The following ITPR3 variants were observed in gnomAD, a reference collection of about 807,000 sequenced individuals.
ITPR3 encodes inositol 1,4,5-trisphosphate receptor type 3, also known as inositol 1,4,5-trisphosphate-gated calcium channel ITPR3.
ITPR3 carries 173 observed loss-of-function variants against 293.2 expected under a neutral mutation model. That is an observed-to-expected ratio of 0.59 (90% CI 0.52 to 0.67). ITPR3 has a LOEUF of 0.67. ITPR3 is among the 30% of genes least tolerant of loss of function. The pLI is 0.00. For synonymous variants in ITPR3, 1,295 were observed against 1,444.4 expected, an observed-to-expected ratio of 0.90 and a Z score of 2.35; for missense variants, 2,796 against 3,592.1, an observed-to-expected ratio of 0.78 and a Z score of 5.66.
In ITPR3 at chr6:33,655,931, G is replaced by A. The variant is rs1018261239; in HGVS notation, c.282+44G>A. 1.2e-6 allele frequency: 2 copies of A among 1,610,966 alleles called. No individual in the cohort carries two copies. The highest frequency in any genetic ancestry group is 2.7e-5 in the African/African-American group (2 of 74,858). On this transcript the variant is annotated intron_variant, in intron 3 of 57. Coordinates refer to ENST00000605930, the MANE Select transcript of ITPR3 (RefSeq NM_002224.4). This position sits in a 1 kb window ranked among gnomAD's most constrained non-coding sequence, Gnocchi z 4.9. ...GCGTGCATCTGTGCACATGTACCAG[G>A]AACCTGGGTACACAAGCAGCGGTGC...
chr6:33,674,823 C>T (rs1358473889), intron 24 of ITPR3, among the ~76,000 whole-genome samples: 1 of 152,196 alleles, frequency 6.6e-6, no homozygotes, highest in Non-Finnish European at 1.5e-5. Context: ...TATGTATGTG[C>T]CTCTTTACTA....
rs1214016055 is a variant in ITPR3, at chr6:33,669,290, C to G, written c.2189+134C>G. The G allele has an allele frequency of 9.3e-6, 8 of 857,766 alleles. No homozygotes were observed. In the Admixed American group the frequency reaches 2.2e-4, roughly 24 times the overall value. The allele number at this position is 857,766 out of a possible 1,614,324, so 53.1% of individuals were successfully genotyped here. On this transcript the variant is annotated intron_variant, in intron 18 of 57. Transcript: ENST00000605930. ...TCCTGCCTCCTCAGAAGCGGAGTCC[C>G]TGCTGTCACTCCCCTGCCACGAAGC... is the stretch of plus-strand genomic sequence containing the variant.
chr6:33,636,419 T>C (rs1763825440), intron 1 of ITPR3, among the ~76,000 whole-genome samples: 1 of 151,938 alleles, frequency 6.6e-6, no homozygotes, highest in South Asian at 2.1e-4. Flanking sequence ...AGGTGAGAGC[T>C]GGTGGGAGCC....
intron 1 of ITPR3, among the ~76,000 whole-genome samples, chr6:33,629,984 G>A (rs1339758942): frequency 6.6e-6 from 1 of 151,996 alleles, no homozygotes; most frequent in Non-Finnish European, 1.5e-5. Flanking sequence ...CCAGCTACTC[G>A]GGAGGCTGAG....
rs765152177 is a variant in ITPR3, at chr6:33,676,883, G to C, written c.3398G>C (p.Ser1133Thr). The C allele has an allele frequency of 9.9e-6, 16 of 1,614,050 alleles. No individual in the cohort carries two copies. The highest frequency in any genetic ancestry group is 1.3e-5 in the African/African-American group (1 of 74,946). ...KSELWVDKKGSGKGEEVEAGA... is the reference protein window; with the variant it reads ...KSELWVDKKGTGKGEEVEAGA... ...GAGCTGTGGGTGGACAAGAAGGGCA[G>C]TGGCAAGGGTGAGGAGGTGGAGGCA... Residue 1133 changes from serine to threonine, a missense_variant, in exon 26 of 58, where the codon AGT becomes ACT. Transcript: ENST00000605930.
chr6:33,635,147 A>C (rs1161626585), intron 1 of ITPR3, among the ~76,000 whole-genome samples: 1 of 152,198 alleles, frequency 6.6e-6, no homozygotes, highest in Non-Finnish European at 1.5e-5. Flanking sequence ...AATATCTTAC[A>C]GGAAATTCTA....
chr6:33,671,197 C>G lies in ITPR3; in HGVS notation c.2619C>G (p.Phe873Leu). 6.2e-7 allele frequency: 1 copy of G among 1,613,780 alleles called. No individual in the cohort carries two copies. The highest frequency in any genetic ancestry group is 1.3e-5 in the African/African-American group (1 of 75,038). ...GCCTGGCGCACAATCTCATCTACTT[C>G]GGCTTCTACAGCTTCAGCGAGCTGC... ...VVSLAHNLIY[F>L]GFYSFSELLR... Residue 873 changes from phenylalanine (F) to leucine (L), a missense_variant, in exon 21 of 58, where the codon TTC becomes TTG. Around this residue, in one of 8 missense-constraint regions of ITPR3, gnomAD observed 955 missense variants for 1,180.8 expected, o/e 0.81. Transcript: ENST00000605930.
intron 51 of ITPR3, 89 bp from the exon 52 acceptor site, chr6:33,690,828 G>A: frequency 8.1e-7 from 1 of 1,228,978 alleles, no homozygotes; most frequent in Non-Finnish European, 1.2e-6. Flanking sequence ...TGGAGCCCAG[G>A]CAGCCCTCAG....
In ITPR3 at chr6:33,663,845, C is replaced by T. The variant is rs1764540436; in HGVS notation, c.1113C>T (p.Pro371=). ...NDIASLFELD[P]TTLQKTDSFV... ...TCGCCTCTCTCTTTGAGCTGGACCC[C>T]ACCACCTTGCAGAAAACCGACTCTT... Residue 371 remains proline, a synonymous_variant, in exon 11 of 58, where the codon CCC becomes CCT. Coordinates refer to ENST00000605930, the MANE Select transcript of ITPR3 (RefSeq NM_002224.4). The T allele has an allele frequency of 1.2e-6, 2 of 1,614,024 alleles. No homozygotes were observed. The highest frequency in any genetic ancestry group is 2.2e-5 in the East Asian group (1 of 44,888).
chr6:33,683,624 G>A lies in ITPR3; in HGVS notation c.4788+227G>A, dbSNP rs1385333553. Among the ~76,000 whole-genome samples, 1 of 152,218 alleles carries A rather than the reference G, an allele frequency of 6.6e-6. No homozygotes were observed. Among genetic ancestry groups the A allele is most frequent in the African/African-American group, 2.4e-5 (1 of 41,454 alleles). ...GGAAGCCTGGAGAACCCAGAGGCCT[G>A]CTAGTGGGGTTGGAGCTCATGAGGG... On this transcript the variant is annotated intron_variant, in intron 35 of 57. Transcript: ENST00000605930. The surrounding 1 kb of genome is among the most constrained non-coding windows in gnomAD (Gnocchi z 4.5).
intron 25 of ITPR3, among the ~76,000 whole-genome samples, chr6:33,676,555 C>A (rs1405342008): frequency 2.0e-5 from 3 of 152,300 alleles, no homozygotes; most frequent in African/African-American, 7.2e-5. Context: ...TCAGGGCAGG[C>A]AGTGCAGGGA....
At chr6:33,659,744 C>T (rs570310192) in intron 7 of ITPR3, among the ~76,000 whole-genome samples, 195 bp downstream of exon 7, 15 of 152,184 alleles carry the variant, frequency 9.9e-5, no homozygotes, top group Non-Finnish European at 2.1e-4. Flanking sequence ...TCGTCTCTGG[C>T]CACAGCTCCC....
chr6:33,669,634 G>A (rs938920411), intron 18 of ITPR3, among the ~76,000 whole-genome samples: 12 of 152,306 alleles, frequency 7.9e-5, no homozygotes, highest in African/African-American at 2.6e-4. Flanking sequence ...CTCTTTAGAC[G>A]CCCTTCTTAC....
intron 3 of ITPR3, among the ~76,000 whole-genome samples, chr6:33,657,150 G>A (rs189710916): frequency 2.6e-5 from 4 of 152,302 alleles, no homozygotes; most frequent in Admixed American, 1.3e-4. Context: ...CCTTCGCCTC[G>A]GTCTCAGTAA....
Position 33,670,213 on chromosome 6 carries a change from T to C in ITPR3, c.2190-112T>C. The C allele has an allele frequency of 1.7e-6, 2 of 1,181,500 alleles. No homozygotes were observed. The highest frequency in any genetic ancestry group is 2.4e-6 in the Non-Finnish European group (2 of 819,036). 73.2% of individuals were successfully genotyped at this position (1,181,500 alleles called of 1,614,324 possible). On this transcript the variant is annotated intron_variant, in intron 18 of 57. Transcript: ENST00000605930. The surrounding 1 kb of genome is among the most constrained non-coding windows in gnomAD (Gnocchi z 6.7). The stretch of plus-strand genomic sequence containing the variant: ...AACTCAGAATTGCAGCTGGCGCATC[T>C]TTAACCTAATCCCTTTGCCACTTTA...
At chr6:33,685,582 G>A in intron 40 of ITPR3, 49 bp downstream of exon 40, 1 of 1,598,518 alleles carries the variant, frequency 6.3e-7, no homozygotes. Flanking sequence ...CCCAGGATAA[G>A]ATGTGCAGGG....
rs894978281 is a variant in ITPR3, at chr6:33,658,826, A to C, written c.526A>C (p.Asn176His). The change falls in exon 5 of 58, where the codon AAC becomes CAC. Residue 176 changes from asparagine (N) to histidine (H), a missense_variant and splice_region_variant. Physicochemically the swap from Asn to His is moderately conservative, Grantham distance 68. Around this residue, in one of 8 missense-constraint regions of ITPR3, gnomAD observed 144 missense variants for 230.8 expected, o/e 0.62. Transcript: ENST00000605930. The surrounding 1 kb of genome is among the most constrained non-coding windows in gnomAD (Gnocchi z 6.1). ...PFWKLRSNGD[N>H]VVVGDKVILN... ...CTGGAAGCTGCGGAGCAACGGGGAC[A>C]ACGTGAGGGCAGGGCCAGGGTTGGA... The C allele has an allele frequency of 6.2e-7, 1 of 1,614,094 alleles. No homozygotes were observed. Among genetic ancestry groups the C allele is most frequent in the Admixed American group, 1.7e-5 (1 of 60,016 alleles).
At chr6:33,659,627 C>A in intron 7 of ITPR3, 78 bp downstream of exon 7, 3 of 1,232,410 alleles carry the variant, frequency 2.4e-6, no homozygotes, top group South Asian at 1.2e-5. Context: ...GCCTTCTCCA[C>A]CCGCCAGGCC....
chr6:33,665,572 G>A (rs962952518), intron 13 of ITPR3, among the ~76,000 whole-genome samples: 3 of 145,874 alleles, frequency 2.1e-5, no homozygotes, highest in African/African-American at 7.5e-5. Flanking sequence ...CTTGTGCCCT[G>A]TACTTCCTTT....
Sources: gnomAD v4.1 joint callset for allele counts (sites outside exome capture counted in the v4.1 genomes callset) on GRCh38, gnomAD v4.1.1 for gene constraint, gnomAD v4.1.1 regional missense constraint, Gnocchi (gnomAD v3.1) non-coding constraint, MANE v1.5 for transcripts, NCBI Gene and HGNC (gene_info 2026-07-23, HGNC 2026-07-21) for gene names.